The following ODF2 variants were observed in gnomAD, a reference collection of about 807,000 sequenced individuals.
ODF2 encodes the protein outer dense fiber protein 2.
ODF2 carries 47 observed loss-of-function variants against 110.2 expected under a neutral mutation model. The ratio of observed to expected loss-of-function variants is 0.43; its 90% CI spans 0.34 to 0.54. The LOEUF is 0.54. ODF2 is among the 20% of genes least tolerant of loss of function. The pLI, the probability that ODF2 is intolerant of heterozygous loss-of-function variation, is 0.03. For missense variants in ODF2, 812 were observed against 1,054.5 expected (o/e 0.77, Z 3.19); for synonymous variants, 352 against 397.7 (o/e 0.89, Z 1.37).
At chr9:128,481,634 G>A in exon 9 of ODF2, 1 of 1,613,910 alleles carries the variant, frequency 6.2e-7, no homozygotes, top group Non-Finnish European at 8.5e-7. Context: ...GCTGGCGGAG[G>A]CCGACTCAGA....
At position 128,488,079 on chromosome 9, in the gene ODF2, G is replaced by A. The variant is rs147111743; in HGVS notation, c.1536+54G>A. The A allele has an allele frequency of 5.8e-4, 935 of 1,606,246 alleles. 6 individuals carry two copies. In the African/African-American group the frequency reaches 0.011, roughly 19 times the overall value. On this transcript the variant is annotated intron_variant, in intron 14 of 20. Transcript: ENST00000604420. Reference sequence around the variant, plus strand: ...GCTGGATGGGGCCCAGCGAGCTGATGAGGGGTCTTGTCTTACGTGGGCCTG... The same window carrying A: ...GCTGGATGGGGCCCAGCGAGCTGATAAGGGGTCTTGTCTTACGTGGGCCTG...
intron 7 of ODF2, chr9:128,473,377 AC>A: frequency 1.5e-6 from 1 of 660,568 alleles, no homozygotes; most frequent in Non-Finnish European, 1.9e-6. Context: ...GACTGTGCTC[AC>A]CCACACTGAG....
chr9:128,498,369 C>G (rs776375891), intron 18 of ODF2, 44 bp from the exon 19 acceptor site: 2 of 1,479,016 alleles, frequency 1.4e-6, no homozygotes, highest in Non-Finnish European at 9.0e-7. Flanking sequence ...TGGAACATGA[C>G]AGGTTGGGGT....
At chr9:128,471,038 A>G (rs566819565) in intron 5 of ODF2, among the ~76,000 whole-genome samples, 26 of 151,622 alleles carry the variant, frequency 1.7e-4, no homozygotes, top group African/African-American at 6.3e-4. Flanking sequence ...TTCAGCTTCC[A>G]GAGTAGCTGG....
chr9:128,500,667 G>C (rs1289809109), downstream of ODF2: 1 of 158,772 alleles, frequency 6.3e-6, no homozygotes, highest in African/African-American at 2.4e-5. Context: ...AAGTCGTCCT[G>C]GGCTGTAAGC....
chr9:128,473,571 C>T, intron 7 of ODF2, 39 bp from the exon 8 acceptor site: 1 of 1,610,052 alleles, frequency 6.2e-7, no homozygotes, highest in Non-Finnish European at 8.5e-7. Context: ...TTCTTCCCTT[C>T]TCCCCCTGCA....
rs1845304640 is a variant in ODF2, at chr9:128,494,787, A to G, written c.1911+119A>G. On this transcript the variant is annotated intron_variant, in intron 17 of 20. Transcript: ENST00000604420. The surrounding 1 kb of genome is among the most constrained non-coding windows in gnomAD (Gnocchi z 4.6). ...CTTTTTCTTGGCTGCTGCTTTTTAA[A>G]AGGAGTGAGCTATCATCAGTGCTGT... The G allele has an allele frequency of 1.9e-6, 3 of 1,590,538 alleles. No individual in the cohort carries two copies. Among genetic ancestry groups the G allele is most frequent in the Non-Finnish European group, 2.6e-6 (3 of 1,169,472 alleles).
intron 2 of ODF2, among the ~76,000 whole-genome samples, chr9:128,457,947 T>A (rs28413795): frequency 0.081 from 11,618 of 143,866 alleles, 486 homozygotes; most frequent in East Asian, 0.13. Context: ...ATATATATTT[T>A]TTTTTTTTCC....
intron 8 of ODF2, among the ~76,000 whole-genome samples, chr9:128,476,805 AT>A (rs1841373863): frequency 6.7e-6 from 1 of 149,350 alleles, no homozygotes; most frequent in Non-Finnish European, 1.5e-5. Context: ...TGCCCAGCTA[AT>A]TTTTGTATTT....
chr9:128,497,440 AAAAAAAATATATATATAT>A (rs1444890768), intron 18 of ODF2: 1 of 91,032 alleles, frequency 1.1e-5, no homozygotes, highest in African/African-American at 6.5e-5. Context: ...AAAAAAAAAA[AAAAAAAATATATATATAT>A]ATATATATAT....
chr9:128,484,113 A>T (rs1254219919), intron 11 of ODF2, 59 bp downstream of exon 11: 1 of 1,261,962 alleles, frequency 7.9e-7, no homozygotes, highest in African/African-American at 1.5e-5. Context: ...ATTTGATGGT[A>T]GCGGCCTGGC....
At chr9:128,456,036 G>A, upstream of ODF2, 1 of 1,468,862 alleles carries the variant, frequency 6.8e-7, no homozygotes, top group Non-Finnish European at 9.0e-7. Context: ...GTGACGCTAG[G>A]GGCTGGGCCT....
upstream of ODF2, chr9:128,455,977 A>C (rs568499605): frequency 7.1e-7 from 1 of 1,410,296 alleles, no homozygotes; most frequent in Admixed American, 3.1e-5. Context: ...TGGTGACGGG[A>C]CGCGTGGCCC....
Position 128,481,471 on chromosome 9 carries a change from T to TTAA in ODF2, c.844-109_844-108insTAA, listed in dbSNP as rs540190798. On this transcript the variant is annotated intron_variant, in intron 8 of 20. Coordinates refer to ENST00000604420, the Ensembl canonical transcript of ODF2. The stretch of plus-strand genomic sequence containing the variant: ...CAGCCTGGGCAACAGAGTAAGACTC[T>TTAA]AAAAAAAAAAAAAAATACAATTTTT... The TTAA allele has an allele frequency of 5.1e-5, 34 of 668,484 alleles. No homozygotes were observed. In the East Asian group the frequency reaches 1.1e-3, roughly 21 times the overall value. The allele number at this position is 668,484 out of a possible 1,614,324, so 41.4% of individuals were successfully genotyped here. A position where few individuals can be genotyped will look rare whatever the true frequency, so the allele number is the denominator to read the frequency against.
intron 9 of ODF2, among the ~76,000 whole-genome samples, chr9:128,482,376 T>G (rs1842565881): frequency 6.6e-6 from 1 of 152,218 alleles, no homozygotes; most frequent in South Asian, 2.1e-4. Flanking sequence ...CATCAGTAAC[T>G]TGAACCGTCA....
chr9:128,497,437 AAAAAAAAAAATATATATATATATAT>A (rs1845742893), intron 18 of ODF2: 2 of 97,484 alleles, frequency 2.1e-5, no homozygotes, highest in Admixed American at 2.2e-4. Context: ...AAAAAAAAAA[AAAAAAAAAAATATATATATATATAT>A]ATATATATAT....
chr9:128,487,128 C>T (rs1326494350), intron 13 of ODF2, among the ~76,000 whole-genome samples: 1 of 152,080 alleles, frequency 6.6e-6, no homozygotes, highest in Non-Finnish European at 1.5e-5. Flanking sequence ...TTCACCCAGG[C>T]TATAGTGCAG....
intron 4 of ODF2, among the ~76,000 whole-genome samples, chr9:128,461,840 T>C (rs1039227117): frequency 2.0e-5 from 3 of 152,160 alleles, no homozygotes; most frequent in Non-Finnish European, 4.4e-5. Context: ...TAAAACTATG[T>C]CAAAACTGAC....
At chr9:128,492,377 A>AC (rs779913650) in intron 14 of ODF2, 49 bp from the exon 15 acceptor site, 19 of 1,292,142 alleles carry the variant, frequency 1.5e-5, no homozygotes, top group Middle Eastern at 3.6e-4. Flanking sequence ...TAGGAGGTCC[A>AC]CCTGAAGCAG....
Sources: gnomAD v4.1 joint callset for allele counts (sites outside exome capture counted in the v4.1 genomes callset) on GRCh38, gnomAD v4.1.1 for gene constraint, Gnocchi (gnomAD v3.1) non-coding constraint, MANE v1.5 for transcripts, NCBI Gene and HGNC (gene_info 2026-07-23, HGNC 2026-07-21) for gene names.